NOVA1: variants seen among roughly 807,000 people sequenced by gnomAD.
NOVA1 encodes the protein RNA-binding protein Nova-1.
A neutral mutation model predicts 38.0 loss-of-function variants in NOVA1; 7 were observed. That is an observed-to-expected ratio of 0.18 (90% CI 0.10 to 0.35). NOVA1 has a LOEUF of 0.35. NOVA1 is among the 10% of genes least tolerant of loss of function. The pLI is 1.00. For missense variants in NOVA1, 460 were observed against 616.0 expected (o/e 0.75, Z 2.68); for synonymous variants, 270 against 232.5 (o/e 1.16, Z -1.47).
intron 2 of NOVA1, among the ~76,000 whole-genome samples, chr14:26,495,069 T>A (rs1311550994): frequency 6.6e-6 from 1 of 152,116 alleles, no homozygotes; most frequent in Non-Finnish European, 1.5e-5. Flanking sequence ...AGGTCTTTTT[T>A]AGTTCCTGGG....
At chr14:26,501,861 T>C (rs1887266824) in intron 2 of NOVA1, among the ~76,000 whole-genome samples, 1 of 151,966 alleles carries the variant, frequency 6.6e-6, no homozygotes, top group Admixed American at 6.6e-5. Context: ...AATCAAAGTA[T>C]TCTACTATTC....
At chr14:26,504,957 G>A (rs1052760190) in intron 2 of NOVA1, among the ~76,000 whole-genome samples, 1 of 152,016 alleles carries the variant, frequency 6.6e-6, no homozygotes, top group Non-Finnish European at 1.5e-5. Context: ...AGTAAGCAGA[G>A]GGCATGGGCC....
At chr14:26,456,390 G>A (rs1315135487) in intron 4 of NOVA1, among the ~76,000 whole-genome samples, 1 of 151,874 alleles carries the variant, frequency 6.6e-6, no homozygotes, top group East Asian at 1.9e-4. Context: ...GGAAACGTGG[G>A]AGTTAACATA....
chr14:26,510,100 G>A (rs537790337), intron 2 of NOVA1, among the ~76,000 whole-genome samples: 1 of 106,686 alleles, frequency 9.4e-6, no homozygotes, highest in Non-Finnish European at 2.4e-5. Flanking sequence ...GAAAAAAGGG[G>A]ACTTCAGAAA....
intron 4 of NOVA1, among the ~76,000 whole-genome samples, chr14:26,468,843 A>G (rs1345016276): frequency 6.6e-6 from 1 of 152,214 alleles, no homozygotes; most frequent in Non-Finnish European, 1.5e-5. Context: ...TTATAAACAC[A>G]TATTTCTGAA....
At chr14:26,496,926 G>A (rs556412286) in intron 2 of NOVA1, among the ~76,000 whole-genome samples, 195 of 152,246 alleles carry the variant, frequency 1.3e-3, no homozygotes, top group Non-Finnish European at 2.3e-3. Context: ...GTCAGGTAGC[G>A]TGATGCCTCC....
At chr14:26,559,214 A>C (rs983864755) in intron 2 of NOVA1, among the ~76,000 whole-genome samples, 2 of 152,132 alleles carry the variant, frequency 1.3e-5, no homozygotes, top group Non-Finnish European at 2.9e-5. Context: ...TCTTTCCTAA[A>C]AAGAGAAATA....
At chr14:26,568,196 C>A (rs1892252910) in intron 2 of NOVA1, among the ~76,000 whole-genome samples, 2 of 152,160 alleles carry the variant, frequency 1.3e-5, no homozygotes, top group African/African-American at 2.4e-5. Flanking sequence ...ATTAGATCTT[C>A]TTTCTCAAAA....
chr14:26,538,435 A>T (rs564790254), intron 2 of NOVA1, among the ~76,000 whole-genome samples: 3 of 152,300 alleles, frequency 2.0e-5, no homozygotes, highest in South Asian at 2.1e-4. Context: ...TGTGTAATTT[A>T]AAAAATTATA....
chr14:26,559,985 ATGTATTAAATTAT>A (rs1010779030), intron 2 of NOVA1, among the ~76,000 whole-genome samples: 1 of 152,194 alleles, frequency 6.6e-6, no homozygotes, highest in Non-Finnish European at 1.5e-5. Flanking sequence ...ATTACATTGT[ATGTATTAAATTAT>A]TGTAATAAAT....
chr14:26,528,104 A>T (rs1594470941), intron 2 of NOVA1, among the ~76,000 whole-genome samples: 1 of 152,128 alleles, frequency 6.6e-6, no homozygotes, highest in Admixed American at 6.5e-5. Context: ...GAAGGCCCAG[A>T]CTTGCTATAA....
intron 2 of NOVA1, among the ~76,000 whole-genome samples, chr14:26,590,190 G>A (rs149288737): frequency 5.3e-5 from 8 of 152,028 alleles, no homozygotes; most frequent in African/African-American, 1.9e-4. Flanking sequence ...CTGCAAAGCT[G>A]AATGCACCTG....
chr14:26,517,120 T>C (rs1888527204), intron 2 of NOVA1, among the ~76,000 whole-genome samples: 1 of 152,068 alleles, frequency 6.6e-6, no homozygotes, highest in South Asian at 2.1e-4. Flanking sequence ...TTAGCCAGGA[T>C]AGCCTCGATC....
intron 2 of NOVA1, among the ~76,000 whole-genome samples, chr14:26,581,963 T>C (rs998244118): frequency 3.3e-5 from 5 of 151,828 alleles, no homozygotes; most frequent in African/African-American, 1.2e-4. Flanking sequence ...AGAATTAAAA[T>C]CCTATAGAAA....
intron 4 of NOVA1, among the ~76,000 whole-genome samples, chr14:26,454,682 ATT>A (rs1423673825): frequency 1.3e-5 from 2 of 152,164 alleles, no homozygotes; most frequent in Non-Finnish European, 2.9e-5. Flanking sequence ...ATATTTTTAC[ATT>A]CTTTTTATAT....
chr14:26,541,504 G>C (rs1379158313), intron 2 of NOVA1, among the ~76,000 whole-genome samples: 1 of 149,662 alleles, frequency 6.7e-6, no homozygotes, highest in Non-Finnish European at 1.5e-5. Flanking sequence ...ACTTCAGGTG[G>C]CATATTTTAG....
chr14:26,498,621 G>A (rs559209645), intron 2 of NOVA1, among the ~76,000 whole-genome samples: 69 of 152,058 alleles, frequency 4.5e-4, no homozygotes, highest in Middle Eastern at 6.8e-3. Context: ...GTAGTATCAG[G>A]TGTAATATAT....
chr14:26,550,681 A>G (rs1421759071), intron 2 of NOVA1, among the ~76,000 whole-genome samples: 1 of 152,182 alleles, frequency 6.6e-6, no homozygotes, highest in Admixed American at 6.6e-5. Context: ...GCTACTATGT[A>G]TATACTACTC....
chr14:26,491,689 CTTG>C (rs1453163089), intron 2 of NOVA1, among the ~76,000 whole-genome samples: 1 of 152,166 alleles, frequency 6.6e-6, no homozygotes, highest in Non-Finnish European at 1.5e-5. Flanking sequence ...CCCAACAACA[CTTG>C]TTGAAGAGAT....
Sources: gnomAD v4.1 joint callset for allele counts (sites outside exome capture counted in the v4.1 genomes callset) on GRCh38, gnomAD v4.1.1 for gene constraint, MANE v1.5 for transcripts, NCBI Gene and HGNC (gene_info 2026-07-23, HGNC 2026-07-21) for gene names.